Variants in SLC38A6 observed in about 807,000 individuals in gnomAD.
The protein encoded by SLC38A6 is N system amino acid transporter NAT-1.
In SLC38A6, 73 loss-of-function variants were observed where a neutral mutation model predicts 65.0. That is an observed-to-expected ratio of 1.12 (90% CI 0.93 to 1.37). SLC38A6 has a LOEUF of 1.37. Ranked by LOEUF, SLC38A6 falls within the 40% of genes most tolerant of loss-of-function variation. The probability of loss-of-function intolerance (pLI) is 0.00; values close to 1 mark genes in which losing one functional copy is unlikely to be tolerated. For missense variants in SLC38A6, 561 were observed against 531.1 expected, an observed-to-expected ratio of 1.06 and a Z score of -0.55; for synonymous variants, 183 against 178.8, an observed-to-expected ratio of 1.02 and a Z score of -0.19.
intron 12 of SLC38A6, among the ~76,000 whole-genome samples, chr14:61,049,281 C>A (rs1476440249): frequency 1.3e-5 from 2 of 152,172 alleles, no homozygotes; most frequent in African/African-American, 2.4e-5. Flanking sequence ...CCAGCCCTAT[C>A]ACCCACACAC....
chr14:61,003,097 TTAAA>T (rs1403335520), intron 3 of SLC38A6, among the ~76,000 whole-genome samples: 1 of 152,068 alleles, frequency 6.6e-6, no homozygotes, highest in African/African-American at 2.4e-5. Context: ...AAATTACACC[TTAAA>T]TAAAACCAAC....
At chr14:61,080,798 A>G (rs1376432955) in intron 16 of SLC38A6, among the ~76,000 whole-genome samples, 1 of 152,186 alleles carries the variant, frequency 6.6e-6, no homozygotes, top group Non-Finnish European at 1.5e-5. Context: ...ACTGCCTCAG[A>G]ATCCCCCTGT....
At chr14:61,005,943 G>A (rs1397889216) in intron 3 of SLC38A6, among the ~76,000 whole-genome samples, 2 of 152,142 alleles carry the variant, frequency 1.3e-5, no homozygotes, top group East Asian at 1.9e-4. Flanking sequence ...CAAGGCTACA[G>A]TAACCAAAAC....
At chr14:61,009,898 G>T (rs2039427633) in intron 3 of SLC38A6, among the ~76,000 whole-genome samples, 1 of 152,196 alleles carries the variant, frequency 6.6e-6, no homozygotes, top group African/African-American at 2.4e-5. Context: ...TATATACCCA[G>T]TAATGGGATG....
intron 15 of SLC38A6, among the ~76,000 whole-genome samples, chr14:61,074,256 A>G (rs2043323578): frequency 6.6e-6 from 1 of 152,252 alleles, no homozygotes; most frequent in South Asian, 2.1e-4. Flanking sequence ...TCCATGAAGC[A>G]GTAAGTAAAG....
At chr14:61,054,127 G>A (rs2042625153), downstream of SLC38A6, among the ~76,000 whole-genome samples, 1 of 152,166 alleles carries the variant, frequency 6.6e-6, no homozygotes, top group South Asian at 2.1e-4. Context: ...TTATTGAATA[G>A]TGAGTCTTTT....
intron 16 of SLC38A6, among the ~76,000 whole-genome samples, chr14:61,081,777 G>C (rs1336812379): frequency 6.6e-6 from 1 of 152,132 alleles, no homozygotes; most frequent in African/African-American, 2.4e-5. Flanking sequence ...ATTCCAAAGG[G>C]AAGGCTTTAT....
chr14:60,995,003 CAAAAAAAAAAAAA>C (rs34888148), intron 3 of SLC38A6, among the ~76,000 whole-genome samples: 4 of 73,144 alleles, frequency 5.5e-5, no homozygotes, highest in East Asian at 6.4e-4. Context: ...GACTCCATCT[CAAAAAAAAAAAAA>C]AAAAAAAAAG....
chr14:61,030,379 T>C, intron 5 of SLC38A6, 66 bp from the exon 6 acceptor site: 2 of 1,226,886 alleles, frequency 1.6e-6, no homozygotes, highest in South Asian at 1.4e-5. Context: ...TTTTCCTAGA[T>C]GGATTATTGT....
intron 15 of SLC38A6, among the ~76,000 whole-genome samples, chr14:61,078,528 G>A (rs2043511227): frequency 6.6e-6 from 1 of 152,080 alleles, no homozygotes; most frequent in Non-Finnish European, 1.5e-5. Context: ...AAGTGGTAGA[G>A]AAAGATTAAT....
chr14:60,981,812 G>A, intron 1 of SLC38A6: 1 of 1,018,506 alleles, frequency 9.8e-7, no homozygotes, highest in South Asian at 1.4e-5. Context: ...TTTTAATACA[G>A]AAATTCTTAG....
intron 15 of SLC38A6, among the ~76,000 whole-genome samples, chr14:61,069,114 A>C (rs143448318): frequency 6.6e-6 from 1 of 152,096 alleles, no homozygotes; most frequent in African/African-American, 2.4e-5. Flanking sequence ...ATTAAATCCA[A>C]ATCTCTGAGG....
At position 61,011,689 on chromosome 14, in the gene SLC38A6, G is replaced by T. The variant is rs561074014; in HGVS notation, c.311-4215G>T. ...GTTTATATGCTGGATTACATTTATTGATTTGCGTATGTTGAACCAGCCTTC... is the reference window on the plus strand; with the variant it reads ...GTTTATATGCTGGATTACATTTATTTATTTGCGTATGTTGAACCAGCCTTC... On this transcript the variant is annotated intron_variant, in intron 3 of 15. Coordinates refer to ENST00000267488, the MANE Select transcript of SLC38A6 (RefSeq NM_153811.3). Among the ~76,000 whole-genome samples, 5 of 152,284 alleles carry T rather than the reference G, an allele frequency of 3.3e-5. No homozygotes were observed. In the South Asian group the frequency reaches 1.0e-3, roughly 32 times the overall value.
chr14:61,063,157 A>G (rs2042911860), intron 15 of SLC38A6, among the ~76,000 whole-genome samples: 1 of 152,298 alleles, frequency 6.6e-6, no homozygotes, highest in East Asian at 1.9e-4. Context: ...TTATATACAA[A>G]ATTGATTCTT....
Position 61,030,522 on chromosome 14 carries a change from AG to A in SLC38A6, c.482+1del. ...IAEFLTGDYS[R>X]YWYLDGQTLL... Reference sequence around the variant, plus strand: ...AGAATTTTTGACTGGAGACTATAGTAGGTAAGAAAAAGTATTTTACATTGTG... The same window carrying A: ...AGAATTTTTGACTGGAGACTATAGTAGTAAGAAAAAGTATTTTACATTGTG... On this transcript the variant is annotated frameshift_variant and splice_region_variant, in exon 6 of 16. Transcript: ENST00000267488. LOFTEE classifies it high-confidence loss of function. 1.3e-6 allele frequency: 2 copies of A among 1,598,314 alleles called. No homozygotes were observed. Among genetic ancestry groups the A allele is most frequent in the Non-Finnish European group, 1.7e-6 (2 of 1,169,420 alleles).
In SLC38A6 at chr14:60,988,072, C is replaced by G. The variant is rs554224649; in HGVS notation, c.310+3269C>G. The stretch of plus-strand genomic sequence containing the variant: ...CTCTCTGGAACTCACAGTCAATCAT[C>G]AGCAAAACTCACATGTCTCTAATTC... On this transcript the variant is annotated intron_variant, in intron 3 of 15. Coordinates refer to ENST00000267488, the MANE Select transcript of SLC38A6 (RefSeq NM_153811.3). 2.2e-4 allele frequency among the ~76,000 whole-genome samples: 34 copies of G among 152,344 alleles called. No homozygotes were observed. In the East Asian group the frequency reaches 6.4e-3, roughly 29 times the overall value.
intron 6 of SLC38A6, among the ~76,000 whole-genome samples, chr14:61,034,854 T>C (rs1247171906): frequency 2.0e-5 from 3 of 152,086 alleles, no homozygotes; most frequent in African/African-American, 7.2e-5. Context: ...ATGATACAAA[T>C]TAGGGTGGAG....
At chr14:61,012,675 G>T (rs377179091) in intron 3 of SLC38A6, among the ~76,000 whole-genome samples, 18 of 152,008 alleles carry the variant, frequency 1.2e-4, no homozygotes, top group African/African-American at 4.3e-4. Flanking sequence ...TTGTTCAGTT[G>T]CCATGTAGTT....
At chr14:61,014,004 A>G (rs1341548609) in intron 3 of SLC38A6, among the ~76,000 whole-genome samples, 6 of 152,136 alleles carry the variant, frequency 3.9e-5, no homozygotes, top group South Asian at 2.1e-4. Flanking sequence ...CATTCTCCCT[A>G]TCACTTTCAG....
Sources: gnomAD v4.1 joint callset for allele counts (sites outside exome capture counted in the v4.1 genomes callset) on GRCh38, gnomAD v4.1.1 for gene constraint, MANE v1.5 for transcripts, NCBI Gene and HGNC (gene_info 2026-07-23, HGNC 2026-07-21) for gene names.